The following SPMIP7 variants were observed in gnomAD, a reference collection of about 807,000 sequenced individuals.
SPMIP7 encodes sperm microtubule inner protein 7.
chr7:50,103,910 T>C, the SPMIP7 span, among the ~76,000 whole-genome samples: 1 of 152,172 alleles, frequency 6.6e-6, no homozygotes, highest in Non-Finnish European at 1.5e-5. Flanking sequence ...CCAATTACAG[T>C]GTACTAAATA....
At chr7:50,096,504 A>G in the SPMIP7 span, 1 of 1,551,832 alleles carries the variant, frequency 6.4e-7, no homozygotes, top group South Asian at 1.2e-5. Context: ...AAACCTCAAC[A>G]TCGAGTTCCC....
chr7:50,134,978 C>T, the SPMIP7 span, among the ~76,000 whole-genome samples: 48,864 of 152,126 alleles, frequency 0.32, 8,681 homozygotes, highest in Non-Finnish European at 0.42. Context: ...GCCCCGTTCT[C>T]GTCTTCTTAC....
chr7:50,125,265 CAT>C, the SPMIP7 span, among the ~76,000 whole-genome samples: 3 of 74,296 alleles, frequency 4.0e-5, no homozygotes, highest in South Asian at 3.7e-4. Flanking sequence ...TATATACACA[CAT>C]ATATATACAC....
the SPMIP7 span, among the ~76,000 whole-genome samples, chr7:50,152,716 G>C: frequency 7.6e-6 from 1 of 131,526 alleles, no homozygotes; most frequent in Non-Finnish European, 1.7e-5. Flanking sequence ...TTAAGACAGA[G>C]TACTCTGTCA....
At chr7:50,105,343 A>G in the SPMIP7 span, among the ~76,000 whole-genome samples, 20 of 152,238 alleles carry the variant, frequency 1.3e-4, no homozygotes, top group Non-Finnish European at 2.4e-4. Context: ...AAGAAAACCC[A>G]TATTCATTAG....
the SPMIP7 span, among the ~76,000 whole-genome samples, chr7:50,145,583 TG>T: frequency 8.8e-6 from 1 of 113,934 alleles, no homozygotes; most frequent in Non-Finnish European, 1.8e-5. Flanking sequence ...TATATATATA[TG>T]TGCGTGTGTG....
At chr7:50,100,283 C>G in the SPMIP7 span, among the ~76,000 whole-genome samples, 21 of 152,188 alleles carry the variant, frequency 1.4e-4, no homozygotes, top group African/African-American at 4.3e-4. Context: ...GGTACTGCAC[C>G]AGGGGCAGGG....
At chr7:50,096,577 A>G in the SPMIP7 span, 2 of 1,552,008 alleles carry the variant, frequency 1.3e-6, no homozygotes, top group Middle Eastern at 1.7e-4. Flanking sequence ...AAGAACTGCA[A>G]CAGAACAGGA....
the SPMIP7 span, among the ~76,000 whole-genome samples, chr7:50,122,409 A>G: frequency 6.7e-6 from 1 of 150,106 alleles, no homozygotes; most frequent in South Asian, 2.1e-4. Flanking sequence ...TTATACAAAA[A>G]TCAATTCAAG....
the SPMIP7 span, among the ~76,000 whole-genome samples, chr7:50,135,633 G>A: frequency 6.6e-6 from 1 of 152,112 alleles, no homozygotes; most frequent in Non-Finnish European, 1.5e-5. Context: ...ACCTGTGAAA[G>A]TTGGTCCTTT....
chr7:50,096,229 G>A, the SPMIP7 span: 1 of 1,551,764 alleles, frequency 6.4e-7, no homozygotes, highest in African/African-American at 1.4e-5. Flanking sequence ...AAGGTCTTGA[G>A]AACAGACATA....
At chr7:50,143,942 T>A in the SPMIP7 span, among the ~76,000 whole-genome samples, 2 of 152,244 alleles carry the variant, frequency 1.3e-5, no homozygotes, top group African/African-American at 2.4e-5. Context: ...GTAGATGTAC[T>A]GTAACTGCCT....
chr7:50,146,130 G>A, the SPMIP7 span, among the ~76,000 whole-genome samples: 1 of 152,160 alleles, frequency 6.6e-6, no homozygotes, highest in Non-Finnish European at 1.5e-5. Flanking sequence ...CCTTAGATCA[G>A]CCCAATACTT....
chr7:50,110,052 G>A, the SPMIP7 span, among the ~76,000 whole-genome samples: 948 of 152,034 alleles, frequency 6.2e-3, no homozygotes, highest in South Asian at 0.013. Flanking sequence ...GGGAATTGAG[G>A]ATCAATTCTG....
At chr7:50,098,508 A>T in the SPMIP7 span, among the ~76,000 whole-genome samples, 114 of 152,282 alleles carry the variant, frequency 7.5e-4, no homozygotes, top group African/African-American at 2.6e-3. Context: ...AAACCATTGT[A>T]TTAAGTCACT....
the SPMIP7 span, among the ~76,000 whole-genome samples, chr7:50,143,563 T>A: frequency 1.1e-3 from 170 of 152,346 alleles, 2 homozygotes; most frequent in African/African-American, 3.8e-3. Context: ...GCAAAAGTTT[T>A]AAAAATTTCC....
the SPMIP7 span, among the ~76,000 whole-genome samples, chr7:50,139,861 A>G: frequency 2.0e-5 from 3 of 152,238 alleles, no homozygotes; most frequent in Non-Finnish European, 4.4e-5. Flanking sequence ...TCAGCAATGA[A>G]AAAGAACAAA....
chr7:50,145,618 GTATATATA>G, the SPMIP7 span, among the ~76,000 whole-genome samples: 55 of 27,698 alleles, frequency 2.0e-3, 1 homozygote, highest in South Asian at 0.018. Flanking sequence ...ATATGTGTGT[GTATATATA>G]TATATATATA....
the SPMIP7 span, among the ~76,000 whole-genome samples, chr7:50,108,334 G>T: frequency 6.6e-6 from 1 of 152,118 alleles, no homozygotes; most frequent in South Asian, 2.1e-4. Flanking sequence ...TGATAAATTT[G>T]AGTATCTGGA....
Sources: gnomAD v4.1 joint callset for allele counts (sites outside exome capture counted in the v4.1 genomes callset) on GRCh38, gnomAD v4.1.1 for gene constraint, MANE v1.5 for transcripts, NCBI Gene and HGNC (gene_info 2026-07-23, HGNC 2026-07-21) for gene names.